SLC36A1: variants seen among roughly 807,000 people sequenced by gnomAD.
SLC36A1 encodes solute carrier family 36 member 1, also known as proton-coupled amino acid transporter 1.
Under a neutral mutation model 47.5 loss-of-function variants are expected in SLC36A1, and 30 were observed. The observed-to-expected ratio is 0.63, with a 90% CI of 0.47 to 0.86. The LOEUF is 0.86. Ranked by LOEUF, SLC36A1 falls within the 40% of genes least tolerant of loss-of-function variation. SLC36A1 has a pLI of 0.00. For missense variants in SLC36A1, 517 were observed against 606.0 expected, an observed-to-expected ratio of 0.85 and a Z score of 1.54; for synonymous variants, 255 against 249.7, an observed-to-expected ratio of 1.02 and a Z score of -0.20.
chr5:151,413,026 G>A, the SLC36A1 span, among the ~76,000 whole-genome samples: 2 of 144,454 alleles, frequency 1.4e-5, no homozygotes, highest in Non-Finnish European at 3.0e-5. Context: ...ACACTAGCAT[G>A]ATTATTGCTA....
chr5:151,553,128 A>G, the SLC36A1 span: 2 of 1,571,082 alleles, frequency 1.3e-6, no homozygotes, highest in African/African-American at 1.3e-5. Flanking sequence ...GAGCTGGTGT[A>G]TAAGGATGGG....
At chr5:151,372,225 C>G in the SLC36A1 span, among the ~76,000 whole-genome samples, 8 of 152,180 alleles carry the variant, frequency 5.3e-5, no homozygotes, top group Non-Finnish European at 1.0e-4. Context: ...AGGCTATACT[C>G]TCAAGACAGA....
At chr5:151,360,011 TA>T in the SLC36A1 span, among the ~76,000 whole-genome samples, 2 of 152,242 alleles carry the variant, frequency 1.3e-5, no homozygotes, top group Admixed American at 1.3e-4. Context: ...TTTGTGGACG[TA>T]AGTTTTATGC....
chr5:151,370,856 G>A, the SLC36A1 span, among the ~76,000 whole-genome samples: 3 of 152,126 alleles, frequency 2.0e-5, no homozygotes, highest in Non-Finnish European at 4.4e-5. Context: ...AGCCGGGCGT[G>A]ATGGCAGGCG....
the SLC36A1 span, among the ~76,000 whole-genome samples, chr5:151,355,776 T>C: frequency 6.6e-6 from 1 of 152,218 alleles, no homozygotes; most frequent in African/African-American, 2.4e-5. Flanking sequence ...GGAATCAATT[T>C]ATTTTTGAGA....
At chr5:151,400,061 G>C in the SLC36A1 span, among the ~76,000 whole-genome samples, 2 of 152,014 alleles carry the variant, frequency 1.3e-5, no homozygotes, top group African/African-American at 4.8e-5. Context: ...TGTTACATGG[G>C]TATATTATTA....
chr5:151,344,755 A>G, the SLC36A1 span, among the ~76,000 whole-genome samples: 5 of 152,322 alleles, frequency 3.3e-5, no homozygotes, highest in African/African-American at 9.6e-5. Flanking sequence ...AAACAACCCC[A>G]TATCATAACT....
At chr5:151,383,169 T>C in the SLC36A1 span, among the ~76,000 whole-genome samples, 1 of 152,142 alleles carries the variant, frequency 6.6e-6, no homozygotes. Flanking sequence ...GCTGTTCCTC[T>C]TTGGGTTGTG....
the SLC36A1 span, chr5:151,550,506 G>A: frequency 5.5e-6 from 8 of 1,454,612 alleles, no homozygotes; most frequent in South Asian, 8.8e-5. Context: ...AGGGGAAGGG[G>A]GACCTTCAGC....
At chr5:151,510,346 C>T in the SLC36A1 span, 1 of 662,880 alleles carries the variant, frequency 1.5e-6, no homozygotes, top group African/African-American at 1.8e-5. Flanking sequence ...GAACCAAGAG[C>T]ACTTTGGTCC....
chr5:151,449,722 T>G (rs1158750859), intron 1 of SLC36A1, among the ~76,000 whole-genome samples: 4 of 152,192 alleles, frequency 2.6e-5, no homozygotes, highest in African/African-American at 7.2e-5. Flanking sequence ...GAATTAGTGG[T>G]CTCCTGTATT....
At chr5:151,370,999 A>C in the SLC36A1 span, among the ~76,000 whole-genome samples, 1 of 152,118 alleles carries the variant, frequency 6.6e-6, no homozygotes, top group Non-Finnish European at 1.5e-5. Flanking sequence ...AAATAATAAT[A>C]ATAATAAAAT....
the SLC36A1 span, among the ~76,000 whole-genome samples, chr5:151,540,954 T>C: frequency 6.6e-6 from 1 of 152,274 alleles, no homozygotes; most frequent in African/African-American, 2.4e-5. Context: ...CTACTTCAAA[T>C]GCCTCCTGTT....
intron 1 of SLC36A1, among the ~76,000 whole-genome samples, chr5:151,440,314 A>G (rs987729318): frequency 6.6e-6 from 1 of 152,208 alleles, no homozygotes; most frequent in Admixed American, 6.5e-5. Context: ...TTCCTGGCAC[A>G]TTGTAAGCAT....
chr5:151,468,264 A>AT (rs1335556137), intron 7 of SLC36A1, among the ~76,000 whole-genome samples: 84 of 78,642 alleles, frequency 1.1e-3, no homozygotes, highest in African/African-American at 4.6e-3. Flanking sequence ...AAAAAAAAAA[A>AT]AAATATATAT....
At chr5:151,358,801 G>A in the SLC36A1 span, among the ~76,000 whole-genome samples, 2 of 151,398 alleles carry the variant, frequency 1.3e-5, no homozygotes, top group African/African-American at 4.9e-5. Flanking sequence ...GTGAAACCCC[G>A]TCTCTACTAA....
the SLC36A1 span, chr5:151,521,570 C>T: frequency 1.2e-6 from 2 of 1,614,194 alleles, no homozygotes; most frequent in Non-Finnish European, 1.7e-6. Context: ...GCCACGGCCT[C>T]TGCAGGCTGG....
chr5:151,487,840 A>C, intron 10 of SLC36A1, 143 bp from the exon 11 acceptor site: 2 of 996,202 alleles, frequency 2.0e-6, no homozygotes, highest in Non-Finnish European at 2.9e-6. Flanking sequence ...TCTATTTCAC[A>C]GAGATTGAAC....
chr5:151,546,835 C>T, the SLC36A1 span, among the ~76,000 whole-genome samples: 1 of 152,148 alleles, frequency 6.6e-6, no homozygotes, highest in Admixed American at 6.5e-5. Flanking sequence ...CCTCCAGCCT[C>T]AGCCTCTGGT....
Sources: allele counts gnomAD v4.1 joint callset (sites outside exome capture counted in the v4.1 genomes callset), GRCh38; gene constraint gnomAD v4.1.1; transcripts MANE v1.5; gene names NCBI Gene and HGNC (gene_info 2026-07-23, HGNC 2026-07-21).